The following ITGAE variants were observed in gnomAD, a reference collection of about 807,000 sequenced individuals.
The protein encoded by ITGAE is integrin alpha-E.
Under a neutral mutation model 136.5 loss-of-function variants are expected in ITGAE, and 99 were observed. That is an observed-to-expected ratio of 0.73 (90% CI 0.62 to 0.86). ITGAE has a LOEUF of 0.86. ITGAE is among the 40% of genes least tolerant of loss of function. ITGAE has a pLI of 0.00. For synonymous variants in ITGAE, 613 were observed against 591.8 expected (o/e 1.04, Z -0.52); for missense variants, 1,447 against 1,515.3 (o/e 0.95, Z 0.75).
At chr17:3,756,055 G>C (rs908530981) in intron 10 of ITGAE, among the ~76,000 whole-genome samples, 158 bp from the exon 11 acceptor site, 3 of 152,078 alleles carry the variant, frequency 2.0e-5, no homozygotes, top group Admixed American at 6.6e-5. Context: ...TTCTCCTTGA[G>C]CAACTACTAT....
chr17:3,724,418 G>T, intron 26 of ITGAE: 1 of 1,612,698 alleles, frequency 6.2e-7, no homozygotes. Context: ...ACGGCGACGA[G>T]CTGGGCATCA....
At position 3,798,057 on chromosome 17, in the gene ITGAE, T is replaced by A. The variant is rs1282080410; in HGVS notation, c.34+3054A>T. 1.3e-5 allele frequency among the ~76,000 whole-genome samples: 2 copies of A among 152,108 alleles called. No homozygotes were observed. Among genetic ancestry groups the A allele is most frequent in the Non-Finnish European group, 2.9e-5 (2 of 68,018 alleles). On this transcript the variant is annotated intron_variant, in intron 1 of 30. Transcript: ENST00000263087. The surrounding 1 kb of genome is among the most constrained non-coding windows in gnomAD (Gnocchi z 4.3). ...CTGGATGCCCGCATTCCTCCACTTATACCACACCTGCCACACGAATGCAGG... is the reference window on the plus strand; with the variant it reads ...CTGGATGCCCGCATTCCTCCACTTAAACCACACCTGCCACACGAATGCAGG...
chr17:3,734,749 C>T, intron 21 of ITGAE, 68 bp downstream of exon 21: 4 of 1,596,176 alleles, frequency 2.5e-6, no homozygotes, highest in Non-Finnish European at 2.6e-6. Flanking sequence ...GGGGCCACCA[C>T]AGAAAAGCAG....
At chr17:3,772,224 G>A (rs1034340683) in intron 2 of ITGAE, among the ~76,000 whole-genome samples, 5 of 151,842 alleles carry the variant, frequency 3.3e-5, no homozygotes, top group South Asian at 2.1e-4. Flanking sequence ...GCGCCCCCCC[G>A]TACCTCGGAC....
At chr17:3,774,478 T>C (rs1176392222) in intron 2 of ITGAE, among the ~76,000 whole-genome samples, 4 of 152,114 alleles carry the variant, frequency 2.6e-5, no homozygotes, top group Non-Finnish European at 4.4e-5. Context: ...AGAAGTCATT[T>C]TGGGGCCAGG....
intron 24 of ITGAE, 159 bp from the exon 25 acceptor site, chr17:3,728,327 G>A (rs529630827): frequency 2.8e-5 from 17 of 608,788 alleles, no homozygotes; most frequent in South Asian, 1.8e-4. Flanking sequence ...CTCAGCCTGG[G>A]AAAGTGTTGG....
chr17:3,775,867 G>A (rs1361188529), intron 2 of ITGAE, among the ~76,000 whole-genome samples: 1 of 151,850 alleles, frequency 6.6e-6, no homozygotes, highest in Non-Finnish European at 1.5e-5. Flanking sequence ...TACCAGATAC[G>A]GCAAAATTGC....
Position 3,763,933 on chromosome 17 carries a change from C to G in ITGAE, c.183G>C (p.Lys61Asn), listed in dbSNP as rs1597346043. Reference sequence around the variant, plus strand: ...ATCGATGGAGGGGCCCTGGTGTCCTCTTGGTTCTGGGGCTGGTGACCAGGA... The same window carrying G: ...ATCGATGGAGGGGCCCTGGTGTCCTGTTGGTTCTGGGGCTGGTGACCAGGA... Reference protein sequence around the residue: ...TWLLVTSPRTKRTPGPLHRCS... With the variant: ...TWLLVTSPRTNRTPGPLHRCS... The change falls in exon 3 of 31, where the codon AAG becomes AAC. Residue 61 changes from lysine to asparagine, a missense_variant. Physicochemically the swap from Lys to Asn is moderately conservative, Grantham distance 94. Around this residue, in one of 3 missense-constraint regions of ITGAE, gnomAD observed 106 missense variants for 87.8 expected, o/e 1.21. Transcript: ENST00000263087. The G allele has an allele frequency of 1.9e-6, 3 of 1,613,482 alleles. No homozygotes were observed. The highest frequency in any genetic ancestry group is 2.5e-6 in the Non-Finnish European group (3 of 1,179,750).
rs2053181800 is a variant in ITGAE at position 3,798,746 on chromosome 17, G to C, written c.34+2365C>G. Among the ~76,000 whole-genome samples, 1 of 152,206 alleles carries C rather than the reference G, an allele frequency of 6.6e-6. No homozygotes were observed. The highest frequency in any genetic ancestry group is 2.4e-5 in the African/African-American group (1 of 41,452). ...GGACAGGCTTCTTCACGCAAGGGTGGAAACTCAACCTCTGAGACCCAGGAT... is the reference window on the plus strand; with the variant it reads ...GGACAGGCTTCTTCACGCAAGGGTGCAAACTCAACCTCTGAGACCCAGGAT... On this transcript the variant is annotated intron_variant, in intron 1 of 30. Coordinates refer to ENST00000263087, the MANE Select transcript of ITGAE (RefSeq NM_002208.5). This position sits in a 1 kb window ranked among gnomAD's most constrained non-coding sequence, Gnocchi z 4.3.
In ITGAE at chr17:3,750,490, G is replaced by A. The variant is rs77285893; in HGVS notation, c.1894-8C>T. The A allele has an allele frequency of 9.0e-3, 14,537 of 1,614,006 alleles. 221 individuals carry two copies. Among genetic ancestry groups the A allele is most frequent in the South Asian group, 0.053 (4,786 of 91,078 alleles). On this transcript the variant is annotated splice_polypyrimidine_tract_variant and splice_region_variant and intron_variant, in intron 15 of 30. Coordinates refer to ENST00000263087, the MANE Select transcript of ITGAE (RefSeq NM_002208.5). ...CGTGGAGGCTCTGATCCGCTGTGGA[G>A]GCAGAAACACAAGGCGTGGGGCGAG...
rs1567568256 is a variant in ITGAE at position 3,798,332 on chromosome 17, G to T, written c.34+2779C>A. ...GCCTCGCCTCTGCCCGCACCTCCAG[G>T]GCCCAGCATGTCCCGATTTGGGGCG... On this transcript the variant is annotated intron_variant, in intron 1 of 30. Coordinates refer to ENST00000263087, the MANE Select transcript of ITGAE (RefSeq NM_002208.5). This position sits in a 1 kb window ranked among gnomAD's most constrained non-coding sequence, Gnocchi z 4.3. 6.6e-6 allele frequency among the ~76,000 whole-genome samples: 1 copy of T among 152,164 alleles called. No homozygotes were observed. Among genetic ancestry groups the T allele is most frequent in the Non-Finnish European group, 1.5e-5 (1 of 68,012 alleles).
chr17:3,726,727 T>G (rs1336267549), intron 26 of ITGAE: 1 of 157,480 alleles, frequency 6.4e-6, no homozygotes, highest in Non-Finnish European at 1.4e-5. Flanking sequence ...CCTCTTTTTT[T>G]TTTTTTTAAT....
intron 13 of ITGAE, 108 bp from the exon 14 acceptor site, chr17:3,753,538 C>T: frequency 7.2e-7 from 1 of 1,384,520 alleles, no homozygotes; most frequent in Non-Finnish European, 9.9e-7. Context: ...TGGGTCGTTA[C>T]ATATCAATTT....
At chr17:3,781,028 TG>T (rs1181875653) in intron 1 of ITGAE, among the ~76,000 whole-genome samples, 2 of 152,204 alleles carry the variant, frequency 1.3e-5, no homozygotes, top group African/African-American at 4.8e-5. Context: ...AAATTATGAG[TG>T]AGGTCAAGTC....
At chr17:3,719,970 C>T (rs2051017000) in intron 29 of ITGAE, among the ~76,000 whole-genome samples, 1 of 152,180 alleles carries the variant, frequency 6.6e-6, no homozygotes, top group Admixed American at 6.5e-5. Context: ...AGGTGATCCA[C>T]CTGTCTCGGC....
chr17:3,790,058 G>A (rs1012817479), intron 1 of ITGAE, among the ~76,000 whole-genome samples: 2 of 152,124 alleles, frequency 1.3e-5, no homozygotes, highest in Non-Finnish European at 1.5e-5. Flanking sequence ...ATCCCTAGGA[G>A]TGGGCCTCTC....
intron 1 of ITGAE, chr17:3,784,259 CA>C (rs1567556260): frequency 1.2e-5 from 4 of 327,158 alleles, no homozygotes; most frequent in South Asian, 4.7e-5. Flanking sequence ...GACTCCATCT[CA>C]AAAAAATAAA....
rs1217325321 is a variant in ITGAE at position 3,743,687 on chromosome 17, TTTTC to T, written c.2320-74_2320-71del. The T allele has an allele frequency of 9.9e-4, 1,417 of 1,430,746 alleles. 6 individuals carry two copies. Among genetic ancestry groups the T allele is most frequent in the Admixed American group, 1.3e-3 (53 of 40,082 alleles). 88.6% of individuals were successfully genotyped at this position (1,430,746 alleles called of 1,614,324 possible). On this transcript the variant is annotated intron_variant, in intron 18 of 30. Transcript: ENST00000263087. Reference sequence around the variant, plus strand: ...GAGAAGATGACAACAATAATGCTTTTTTTCTTTTTCTTTTTTTCTTTTTTTTTTT... The same window carrying T: ...GAGAAGATGACAACAATAATGCTTTTTTTTTCTTTTTTTCTTTTTTTTTTT...
intron 2 of ITGAE, among the ~76,000 whole-genome samples, chr17:3,775,327 T>C (rs537609340): frequency 2.6e-5 from 4 of 152,362 alleles, no homozygotes; most frequent in South Asian, 2.1e-4. Context: ...AAACAACCAT[T>C]GCACTGGCTT....
Sources: gnomAD v4.1 joint callset for allele counts (sites outside exome capture counted in the v4.1 genomes callset) on GRCh38, gnomAD v4.1.1 for gene constraint, gnomAD v4.1.1 regional missense constraint, Gnocchi (gnomAD v3.1) non-coding constraint, MANE v1.5 for transcripts, NCBI Gene and HGNC (gene_info 2026-07-23, HGNC 2026-07-21) for gene names.